NSRP1: variants seen among roughly 807,000 people sequenced by gnomAD.
NSRP1 encodes the protein coiled-coil domain containing 55.
NSRP1 carries 24 observed loss-of-function variants against 54.7 expected under a neutral mutation model. That is an observed-to-expected ratio of 0.44 (90% CI 0.32 to 0.62). The LOEUF is 0.62. Among genes scored for constraint, NSRP1 ranks in the 20% least tolerant of loss-of-function variants. The pLI, the probability that NSRP1 is intolerant of heterozygous loss-of-function variation, is 0.06. For synonymous variants in NSRP1, 210 were observed against 213.8 expected, an observed-to-expected ratio of 0.98 and a Z score of 0.15; for missense variants, 596 against 651.2, an observed-to-expected ratio of 0.92 and a Z score of 0.92.
intron 2 of NSRP1, among the ~76,000 whole-genome samples, chr17:30,167,428 A>G (rs1036209945): frequency 1.3e-5 from 2 of 152,052 alleles, no homozygotes; most frequent in Non-Finnish European, 2.9e-5. Context: ...GACCAACATG[A>G]TGAAACCTTG....
At chr17:30,164,425 A>AT (rs1052737661) in intron 2 of NSRP1, among the ~76,000 whole-genome samples, 1 of 152,018 alleles carries the variant, frequency 6.6e-6, no homozygotes, top group Non-Finnish European at 1.5e-5. Context: ...TTATAAGTTG[A>AT]TTTTTTTTCC....
intron 2 of NSRP1, among the ~76,000 whole-genome samples, chr17:30,141,026 G>A (rs2071800443): frequency 6.6e-6 from 1 of 152,098 alleles, no homozygotes; most frequent in Non-Finnish European, 1.5e-5. Flanking sequence ...TTGCTGTGTT[G>A]TCCAGGCTGG....
At chr17:30,155,571 A>G (rs2071954160) in intron 2 of NSRP1, among the ~76,000 whole-genome samples, 1 of 152,110 alleles carries the variant, frequency 6.6e-6, no homozygotes, top group Admixed American at 6.5e-5. Flanking sequence ...ATGGGGTCTC[A>G]CTATATTGCC....
intron 2 of NSRP1, among the ~76,000 whole-genome samples, chr17:30,166,277 G>C (rs1904729310): frequency 6.6e-6 from 1 of 152,128 alleles, no homozygotes; most frequent in Non-Finnish European, 1.5e-5. Context: ...TACAGTATAG[G>C]AACACTGAAG....
At position 30,116,816 on chromosome 17, in the gene NSRP1, G is replaced by C; in HGVS notation, c.-28G>C. On this transcript the variant is annotated 5_prime_UTR_variant, in exon 1 of 7. Coordinates refer to ENST00000247026, the MANE Select transcript of NSRP1 (RefSeq NM_032141.4). The stretch of plus-strand genomic sequence containing the variant: ...TCGGCGTCAGCGTCACGGAGGCGTC[G>C]GCCACGTTCAGCGGACACGGGAGCA... The C allele has an allele frequency of 1.3e-6, 2 of 1,567,398 alleles. No homozygotes were observed. Among genetic ancestry groups the C allele is most frequent in the East Asian group, 4.7e-5 (2 of 42,486 alleles).
intron 2 of NSRP1, among the ~76,000 whole-genome samples, chr17:30,145,248 T>G (rs1433701765): frequency 6.6e-6 from 1 of 152,132 alleles, no homozygotes; most frequent in East Asian, 1.9e-4. Context: ...GGGATATATA[T>G]TCAGGGGTGG....
intron 2 of NSRP1, among the ~76,000 whole-genome samples, chr17:30,166,759 C>T (rs1904742448): frequency 6.6e-6 from 1 of 152,204 alleles, no homozygotes; most frequent in East Asian, 1.9e-4. Context: ...CCCATCTCTA[C>T]TAAAAATACA....
chr17:30,147,569 T>C (rs1311659887), intron 2 of NSRP1, among the ~76,000 whole-genome samples: 1 of 151,504 alleles, frequency 6.6e-6, no homozygotes, highest in Admixed American at 6.6e-5. Flanking sequence ...GTTCACGCCA[T>C]TCTCCTGCCT....
intron 2 of NSRP1, chr17:30,150,381 T>C (rs1180888050): frequency 1.4e-5 from 2 of 142,602 alleles, no homozygotes. Flanking sequence ...GCCTGACCAA[T>C]ATGTGGTGGT....
At chr17:30,177,018 CTG>C (rs914003500) in intron 3 of NSRP1, among the ~76,000 whole-genome samples, 2 of 151,432 alleles carry the variant, frequency 1.3e-5, no homozygotes, top group African/African-American at 4.9e-5. Flanking sequence ...TGTGTAGACT[CTG>C]TACCTCAGGA....
chr17:30,152,847 T>C (rs1314937685), intron 2 of NSRP1, among the ~76,000 whole-genome samples: 1 of 151,484 alleles, frequency 6.6e-6, no homozygotes, highest in African/African-American at 2.4e-5. Context: ...ATAATTACTA[T>C]CAAGCTTTTG....
intron 2 of NSRP1, among the ~76,000 whole-genome samples, chr17:30,152,179 G>T (rs1166861999): frequency 6.6e-6 from 1 of 151,942 alleles, no homozygotes; most frequent in Non-Finnish European, 1.5e-5. Context: ...CTGGAGTGCA[G>T]TGGCGCGATC....
chr17:30,147,661 C>T (rs2071869457), intron 2 of NSRP1, among the ~76,000 whole-genome samples: 1 of 151,774 alleles, frequency 6.6e-6, no homozygotes, highest in Non-Finnish European at 1.5e-5. Context: ...GACGGGGTTT[C>T]ACCATGTTAG....
At chr17:30,127,254 TTATC>T (rs1427005141) in intron 2 of NSRP1, among the ~76,000 whole-genome samples, 1 of 152,218 alleles carries the variant, frequency 6.6e-6, no homozygotes, top group African/African-American at 2.4e-5. Flanking sequence ...TTTTAGATGT[TTATC>T]TATGATAAAT....
At chr17:30,155,681 G>A (rs987616888) in intron 2 of NSRP1, among the ~76,000 whole-genome samples, 1 of 151,992 alleles carries the variant, frequency 6.6e-6, no homozygotes, top group Non-Finnish European at 1.5e-5. Flanking sequence ...CTGTAGCTAG[G>A]ACTACAGACG....
chr17:30,120,469 G>A (rs2071586830), intron 2 of NSRP1, among the ~76,000 whole-genome samples: 2 of 152,130 alleles, frequency 1.3e-5, no homozygotes, highest in Admixed American at 1.3e-4. Flanking sequence ...CCTACAATAG[G>A]TTAAGAGTTG....
rs1905457887 is a variant in NSRP1, at chr17:30,184,884, G to C, written c.887G>C (p.Arg296Thr). Residue 296 changes from arginine (R) to threonine (T), a missense_variant, in exon 7 of 7, where the codon AGA becomes ACA. Coordinates refer to ENST00000247026, the MANE Select transcript of NSRP1 (RefSeq NM_032141.4). Reference protein sequence around the residue: ...QNHSRSPSEERGHSTRHHTKG... With the variant: ...QNHSRSPSEETGHSTRHHTKG... ...CACTCTCGGTCACCTAGTGAAGAAA[G>C]AGGGCACAGTACCAGGCACCACACG... is the stretch of plus-strand genomic sequence containing the variant. 4 of 1,614,008 alleles carry C rather than the reference G, an allele frequency of 2.5e-6. No homozygotes were observed. The highest frequency in any genetic ancestry group is 2.5e-6 in the Non-Finnish European group (3 of 1,180,040).
chr17:30,122,348 GTTTCATATATATATATA>G (rs2071605434), intron 2 of NSRP1: 2 of 42,902 alleles, frequency 4.7e-5, no homozygotes, highest in African/African-American at 1.6e-4. Flanking sequence ...GATAACTCTG[GTTTCATATATATATATA>G]TATATATATA....
intron 2 of NSRP1, among the ~76,000 whole-genome samples, chr17:30,171,972 ACTCCCTCTCTCTCT>A (rs1279633928): frequency 2.6e-4 from 12 of 46,644 alleles, no homozygotes; most frequent in African/African-American, 6.7e-4. Context: ...ACACACACAC[ACTCCCTCTCTCTCT>A]CTCTCTCTCT....
Sources: allele counts gnomAD v4.1 joint callset (sites outside exome capture counted in the v4.1 genomes callset), GRCh38; gene constraint gnomAD v4.1.1; transcripts MANE v1.5; gene names NCBI Gene and HGNC (gene_info 2026-07-23, HGNC 2026-07-21).